Variants in PALLD observed in about 807,000 individuals in gnomAD.
The protein encoded by PALLD is palladin, cytoskeletal associated protein.
PALLD carries 61 observed loss-of-function variants against 123.5 expected under a neutral mutation model. The ratio of observed to expected loss-of-function variants is 0.49; its 90% CI spans 0.40 to 0.61. The LOEUF (loss-of-function observed/expected upper bound fraction) is 0.61. Among genes scored for constraint, PALLD ranks in the 20% least tolerant of loss-of-function variants. PALLD has a pLI of 0.00. For synonymous variants in PALLD, 465 were observed against 496.4 expected, an observed-to-expected ratio of 0.94 and a Z score of 0.84; for missense variants, 1,273 against 1,377.0, an observed-to-expected ratio of 0.92 and a Z score of 1.20.
intron 2 of PALLD, among the ~76,000 whole-genome samples, chr4:168,559,392 T>C (rs1428415451): frequency 7.4e-6 from 1 of 135,696 alleles, no homozygotes; most frequent in Admixed American, 7.5e-5. Context: ...TTCTGATAAA[T>C]GATACAGAAA....
At chr4:168,534,635 A>G (rs1226707396) in intron 2 of PALLD, among the ~76,000 whole-genome samples, 1 of 152,174 alleles carries the variant, frequency 6.6e-6, no homozygotes, top group African/African-American at 2.4e-5. Context: ...TCCACTGAAC[A>G]CATTTTCTCT....
chr4:168,916,511 C>A (rs1760135210), intron 17 of PALLD, among the ~76,000 whole-genome samples: 1 of 149,366 alleles, frequency 6.7e-6, no homozygotes, highest in South Asian at 2.2e-4. Flanking sequence ...TAAATATGTT[C>A]TTTACTCAGA....
Position 168,926,369 on chromosome 4 carries a change from A to T in PALLD, c.*189A>T. 1 of 1,537,158 alleles carries T rather than the reference A, an allele frequency of 6.5e-7. No individual in the cohort carries two copies. ...CTGACACTGAATACTGCCTTGGTAG[A>T]AAGTGAGGACCTGTAATCCAGCATT... On this transcript the variant is annotated 3_prime_UTR_variant, in exon 22 of 22. Coordinates refer to ENST00000505667, the MANE Select transcript of PALLD (RefSeq NM_001166108.2).
chr4:168,637,943 CAAAAAAAAAAAA>C (rs11416996), intron 2 of PALLD, among the ~76,000 whole-genome samples: 3 of 60,446 alleles, frequency 5.0e-5, no homozygotes, highest in South Asian at 1.6e-3. Flanking sequence ...GAATACATCT[CAAAAAAAAAAAA>C]AAAAAAAAAA....
chr4:168,608,556 A>G (rs1477567859), intron 2 of PALLD, among the ~76,000 whole-genome samples: 1 of 152,176 alleles, frequency 6.6e-6, no homozygotes, highest in East Asian at 1.9e-4. Flanking sequence ...ACATCATGTA[A>G]CATGTATCAA....
chr4:168,676,822 G>A (rs945925072), intron 3 of PALLD, among the ~76,000 whole-genome samples: 11 of 151,306 alleles, frequency 7.3e-5, no homozygotes, highest in African/African-American at 2.2e-4. Context: ...CTTGTGATCC[G>A]CCCACCTCGG....
chr4:168,652,419 C>G (rs1369552712), intron 2 of PALLD, among the ~76,000 whole-genome samples: 2 of 152,146 alleles, frequency 1.3e-5, no homozygotes, highest in Non-Finnish European at 2.9e-5. Flanking sequence ...TTAAATTACA[C>G]CACATTGGAT....
intron 2 of PALLD, among the ~76,000 whole-genome samples, chr4:168,636,687 A>G (rs1776379278): frequency 6.6e-6 from 1 of 152,222 alleles, no homozygotes; most frequent in Non-Finnish European, 1.5e-5. Flanking sequence ...GGACTTTAAG[A>G]AATCACTTAG....
intron 10 of PALLD, among the ~76,000 whole-genome samples, chr4:168,873,289 T>C (rs1751320590): frequency 6.6e-6 from 1 of 152,204 alleles, no homozygotes; most frequent in African/African-American, 2.4e-5. Context: ...CTTATAAATA[T>C]CAGGACCAGA....
chr4:168,586,471 A>G (rs1770831628), intron 2 of PALLD, among the ~76,000 whole-genome samples: 1 of 152,174 alleles, frequency 6.6e-6, no homozygotes, highest in African/African-American at 2.4e-5. Context: ...GTCGTTGATC[A>G]CTAATTTGGG....
chr4:168,911,268 T>C (rs992766282), intron 15 of PALLD, among the ~76,000 whole-genome samples: 1 of 152,230 alleles, frequency 6.6e-6, no homozygotes, highest in Admixed American at 6.5e-5. Flanking sequence ...TAACAACCCA[T>C]ACCTCCTTTT....
intron 2 of PALLD, among the ~76,000 whole-genome samples, chr4:168,622,254 G>A (rs879917829): frequency 1.1e-4 from 16 of 152,112 alleles, no homozygotes; most frequent in African/African-American, 3.9e-4. Context: ...CTCCAGTGTA[G>A]ATACTATAAA....
chr4:168,821,015 T>G (rs1306277222), intron 10 of PALLD, among the ~76,000 whole-genome samples: 1 of 152,196 alleles, frequency 6.6e-6, no homozygotes, highest in East Asian at 1.9e-4. Flanking sequence ...TCCTGTCACA[T>G]CAGTATGGAA....
chr4:168,701,803 G>GT (rs1315585840), intron 8 of PALLD, among the ~76,000 whole-genome samples: 2 of 152,154 alleles, frequency 1.3e-5, no homozygotes, highest in Non-Finnish European at 2.9e-5. Context: ...GTCCAGGGAC[G>GT]TAAGCCCTGG....
chr4:168,609,141 AGC>A (rs1773484081), intron 2 of PALLD, among the ~76,000 whole-genome samples: 1 of 152,068 alleles, frequency 6.6e-6, no homozygotes, highest in Non-Finnish European at 1.5e-5. Context: ...GATACATATT[AGC>A]CAGAATTATG....
rs555265866 is a variant in PALLD at position 168,894,114 on chromosome 4, G to A, written c.2101-465G>A. 67 of 193,482 alleles carry A rather than the reference G, an allele frequency of 3.5e-4. 1 individual carries two copies. In the South Asian group the frequency reaches 6.2e-3, roughly 18 times the overall value. 12.0% of individuals were successfully genotyped at this position (193,482 alleles called of 1,614,324 possible). On this transcript the variant is annotated intron_variant, in intron 11 of 21. Coordinates refer to ENST00000505667, the MANE Select transcript of PALLD (RefSeq NM_001166108.2). ...GACTGATAGAATTATTTCCATTAGC[G>A]ATACCTGTTCTTTTTTTAGTCAGTT...
chr4:168,609,739 C>A (rs1773552473), intron 2 of PALLD, among the ~76,000 whole-genome samples: 1 of 152,160 alleles, frequency 6.6e-6, no homozygotes, highest in Non-Finnish European at 1.5e-5. Flanking sequence ...AGACGCATCT[C>A]ATACAGCTCA....
Position 168,928,141 on chromosome 4 carries a change from C to T in PALLD, c.*1961C>T, listed in dbSNP as rs1045445611. On this transcript the variant is annotated 3_prime_UTR_variant, in exon 22 of 22. Coordinates refer to ENST00000505667, the MANE Select transcript of PALLD (RefSeq NM_001166108.2). ...GCAGTGTGGTTCAAGTTTCTTTGAC[C>T]GCACTTATATGCATTGCTAATATGG... 6.8e-5 allele frequency: 13 copies of T among 190,862 alleles called. No homozygotes were observed. Among genetic ancestry groups the T allele is most frequent in the Non-Finnish European group, 9.9e-5 (9 of 90,678 alleles). The allele number at this position is 190,862 out of a possible 1,614,324, so 11.8% of individuals were successfully genotyped here.
chr4:168,673,173 G>T (rs1327198781), intron 3 of PALLD, among the ~76,000 whole-genome samples: 1 of 152,196 alleles, frequency 6.6e-6, no homozygotes, highest in African/African-American at 2.4e-5. Flanking sequence ...GAACAAGCAG[G>T]CCTCTGCCAT....
Sources: gnomAD v4.1 joint callset for allele counts (sites outside exome capture counted in the v4.1 genomes callset) on GRCh38, gnomAD v4.1.1 for gene constraint, MANE v1.5 for transcripts, NCBI Gene and HGNC (gene_info 2026-07-23, HGNC 2026-07-21) for gene names.